The following TRPM3 variants were observed in gnomAD, a reference collection of about 807,000 sequenced individuals.
TRPM3 encodes transient receptor potential cation channel subfamily M member 3.
Under a neutral mutation model 181.2 loss-of-function variants are expected in TRPM3, and 77 were observed. That is an observed-to-expected ratio of 0.42 (90% CI 0.35 to 0.51). The LOEUF (loss-of-function observed/expected upper bound fraction) is 0.51. TRPM3 is among the 20% of genes least tolerant of loss of function. TRPM3 has a pLI of 0.01. For synonymous variants in TRPM3, 745 were observed against 796.4 expected, an observed-to-expected ratio of 0.94 and a Z score of 1.09; for missense variants, 1,759 against 2,196.7, an observed-to-expected ratio of 0.80 and a Z score of 3.98.
chr9:71,203,476 G>C (rs1023449718), intron 1 of TRPM3, among the ~76,000 whole-genome samples: 2 of 152,110 alleles, frequency 1.3e-5, no homozygotes, highest in African/African-American at 2.4e-5. Context: ...TTGCTCACTT[G>C]TTTGTTTAGC....
At chr9:71,118,511 G>A (rs1272112678) in intron 1 of TRPM3, among the ~76,000 whole-genome samples, 3 of 152,134 alleles carry the variant, frequency 2.0e-5, no homozygotes, top group Non-Finnish European at 2.9e-5. Context: ...CATTTTCAAG[G>A]AAAAGGATAG....
chr9:70,601,521 C>A (rs1276855666), intron 20 of TRPM3, among the ~76,000 whole-genome samples: 1 of 152,168 alleles, frequency 6.6e-6, no homozygotes, highest in African/African-American at 2.4e-5. Flanking sequence ...CGTCAAGCAA[C>A]TCTTCAGTGA....
At chr9:70,781,722 A>G (rs2082504488) in intron 7 of TRPM3, among the ~76,000 whole-genome samples, 1 of 152,082 alleles carries the variant, frequency 6.6e-6, no homozygotes. Context: ...AATTTAAATA[A>G]TCTTAATTTA....
At chr9:71,075,359 T>C (rs753122990) in intron 1 of TRPM3, among the ~76,000 whole-genome samples, 18 of 152,198 alleles carry the variant, frequency 1.2e-4, no homozygotes, top group Non-Finnish European at 2.4e-4. Flanking sequence ...TTTGTTTGCA[T>C]TGCATTTTGT....
intron 6 of TRPM3, among the ~76,000 whole-genome samples, chr9:70,798,925 C>T (rs1397297870): frequency 6.6e-6 from 1 of 152,160 alleles, no homozygotes; most frequent in Non-Finnish European, 1.5e-5. Context: ...TTCCATTTCA[C>T]CTGTCCATCT....
intron 1 of TRPM3, among the ~76,000 whole-genome samples, chr9:70,946,220 G>C (rs948755928): frequency 6.6e-6 from 1 of 152,040 alleles, no homozygotes; most frequent in African/African-American, 2.4e-5. Flanking sequence ...GCTCACTGCA[G>C]TCTTGAACTC....
chr9:70,556,487 C>T (rs767825072), intron 22 of TRPM3, among the ~76,000 whole-genome samples: 30 of 151,968 alleles, frequency 2.0e-4, no homozygotes, highest in Non-Finnish European at 2.9e-4. Flanking sequence ...TTTGAGAGGC[C>T]GAGGTGGGTG....
At chr9:70,664,101 G>A (rs998151673) in intron 9 of TRPM3, among the ~76,000 whole-genome samples, 1 of 152,130 alleles carries the variant, frequency 6.6e-6, no homozygotes, top group Non-Finnish European at 1.5e-5. Context: ...AAATTAATAA[G>A]TTAATAGACT....
intron 1 of TRPM3, among the ~76,000 whole-genome samples, chr9:71,250,764 C>T (rs1184450216): frequency 6.6e-6 from 1 of 152,044 alleles, no homozygotes; most frequent in Non-Finnish European, 1.5e-5. Flanking sequence ...ATCAGGATTG[C>T]AGGTGCATAT....
At chr9:71,259,368 T>C (rs1379051835) in intron 1 of TRPM3, among the ~76,000 whole-genome samples, 1 of 152,242 alleles carries the variant, frequency 6.6e-6, no homozygotes, top group African/African-American at 2.4e-5. Context: ...TGTACATGTG[T>C]CTTTATAGAA....
At chr9:71,213,343 TA>T (rs1224453015) in intron 1 of TRPM3, among the ~76,000 whole-genome samples, 1 of 152,218 alleles carries the variant, frequency 6.6e-6, no homozygotes, top group Non-Finnish European at 1.5e-5. Flanking sequence ...TTGTGGGCTC[TA>T]AAAAAACAGC....
chr9:71,317,524 C>A (rs749978410), intron 1 of TRPM3, among the ~76,000 whole-genome samples: 4 of 151,780 alleles, frequency 2.6e-5, no homozygotes, highest in Non-Finnish European at 5.9e-5. Flanking sequence ...GCCTATAGTC[C>A]CAGCTACTCA....
chr9:71,098,590 T>C (rs1049056032), intron 1 of TRPM3, among the ~76,000 whole-genome samples: 5 of 152,176 alleles, frequency 3.3e-5, no homozygotes, highest in African/African-American at 1.2e-4. Flanking sequence ...GCAAAATCAC[T>C]TAGCCTCGCT....
intron 1 of TRPM3, among the ~76,000 whole-genome samples, chr9:70,979,785 T>C (rs1167142329): frequency 6.6e-6 from 1 of 152,016 alleles, no homozygotes; most frequent in African/African-American, 2.4e-5. Flanking sequence ...AAGTCCAAGA[T>C]CGAAGTTCTG....
chr9:70,744,423 T>A (rs564219017), intron 8 of TRPM3, among the ~76,000 whole-genome samples: 1 of 152,194 alleles, frequency 6.6e-6, no homozygotes, highest in East Asian at 1.9e-4. Context: ...ATCTGTTTCA[T>A]TGTTCTGATG....
chr9:70,929,453 C>A (rs919085794), intron 1 of TRPM3, among the ~76,000 whole-genome samples: 2 of 152,120 alleles, frequency 1.3e-5, no homozygotes, highest in Non-Finnish European at 2.9e-5. Context: ...CTGCCCACCT[C>A]GGCCTCCCAA....
intron 1 of TRPM3, among the ~76,000 whole-genome samples, chr9:71,153,708 T>C (rs1371290583): frequency 1.3e-5 from 2 of 152,130 alleles, no homozygotes; most frequent in African/African-American, 4.8e-5. Context: ...GATCGTTCTG[T>C]CACTTATCCT....
intron 9 of TRPM3, among the ~76,000 whole-genome samples, chr9:70,652,643 C>G (rs1433433776): frequency 6.6e-6 from 1 of 152,154 alleles, no homozygotes; most frequent in Non-Finnish European, 1.5e-5. Context: ...TCTTTATTCC[C>G]ACTTTGCTAA....
chr9:70,839,057 T>A (rs2131915411), intron 5 of TRPM3, among the ~76,000 whole-genome samples: 1 of 152,250 alleles, frequency 6.6e-6, no homozygotes, highest in South Asian at 2.1e-4. Context: ...GAAAACAGTT[T>A]TACAGCCAGA....
Sources: gnomAD v4.1 joint callset for allele counts (sites outside exome capture counted in the v4.1 genomes callset) on GRCh38, gnomAD v4.1.1 for gene constraint, MANE v1.5 for transcripts, NCBI Gene and HGNC (gene_info 2026-07-23, HGNC 2026-07-21) for gene names.